ZNF791: variants seen among roughly 807,000 people sequenced by gnomAD.
ZNF791 encodes zinc finger protein 791.
A neutral mutation model predicts 11.5 loss-of-function variants in ZNF791; 4 were observed. The observed-to-expected ratio is 0.35, with a 90% CI of 0.17 to 0.80. The LOEUF is 0.80. Among genes scored for constraint, ZNF791 ranks in the 30% least tolerant of loss-of-function variants. The pLI, the probability that ZNF791 is intolerant of heterozygous loss-of-function variation, is 0.53. For missense variants in ZNF791, 559 were observed against 699.4 expected, an observed-to-expected ratio of 0.80 and a Z score of 2.26; for synonymous variants, 212 against 228.1, an observed-to-expected ratio of 0.93 and a Z score of 0.64.
chr19:12,627,653 A>G, intron 3 of ZNF791, 68 bp from the exon 4 acceptor site: 3 of 1,359,592 alleles, frequency 2.2e-6, no homozygotes, highest in African/African-American at 1.5e-5. Context: ...CTTTAGTTCT[A>G]CTACCCGATA....
chr19:12,633,547 G>A lies in ZNF791; in HGVS notation c.*4287G>A, dbSNP rs529513136. The A allele has an allele frequency of 1.3e-5, 2 of 152,180 alleles. No homozygotes were observed. Among genetic ancestry groups the A allele is most frequent in the South Asian group, 4.1e-4 (2 of 4,834 alleles). The allele number at this position is 152,180 out of a possible 1,614,324, so 9.4% of individuals were successfully genotyped here. A position where few individuals can be genotyped will look rare whatever the true frequency, so the allele number is the denominator to read the frequency against. On this transcript the variant is annotated 3_prime_UTR_variant, in exon 4 of 4. Transcript: ENST00000343325. ...CAAAAGTATCCTGAAAACACCCTGA[G>A]CTGCTTGACTTCCATTCTCAAAGAG...
rs2023523675 is a variant in ZNF791 at position 12,633,518 on chromosome 19, C to T, written c.*4258C>T. ...TCATTTTCCTGGTTATTTTCTCTGC[C>T]AATCAAAAGTATCCTGAAAACACCC... On this transcript the variant is annotated 3_prime_UTR_variant, in exon 4 of 4. Coordinates refer to ENST00000343325, the MANE Select transcript of ZNF791 (RefSeq NM_153358.3). 1 of 152,156 alleles carries T rather than the reference C, an allele frequency of 6.6e-6. No individual in the cohort carries two copies. Among genetic ancestry groups the T allele is most frequent in the Non-Finnish European group, 1.5e-5 (1 of 68,038 alleles). The allele number at this position is 152,156 out of a possible 1,614,324, so 9.4% of individuals were successfully genotyped here.
rs1469390724 is a variant in ZNF791, at chr19:12,628,220, A to G, written c.691A>G (p.Ile231Val). ...CGKAFSCSSS[I>V]RVHERTHTGE... ...GAAAGCCTTCAGTTGTTCCAGTTCTATTCGAGTACACGAAAGAACTCACAC... is the reference window on the plus strand; with the variant it reads ...GAAAGCCTTCAGTTGTTCCAGTTCTGTTCGAGTACACGAAAGAACTCACAC... The change falls in exon 4 of 4, where the codon ATT (isoleucine) becomes GTT (valine). Residue 231 changes from isoleucine (I) to valine (V), a missense_variant. Ile to Val is a conservative substitution (Grantham distance 29, BLOSUM62 3). Coordinates refer to ENST00000343325, the MANE Select transcript of ZNF791 (RefSeq NM_153358.3). 6.2e-7 allele frequency: 1 copy of G among 1,613,812 alleles called. No individual in the cohort carries two copies. Among genetic ancestry groups the G allele is most frequent in the East Asian group, 2.2e-5 (1 of 44,870 alleles).
chr19:12,618,847 GTGTATT>G (rs1381601878), intron 1 of ZNF791, among the ~76,000 whole-genome samples: 1 of 104,186 alleles, frequency 9.6e-6, no homozygotes, highest in African/African-American at 3.6e-5. Flanking sequence ...GTGTGTGTGT[GTGTATT>G]TATTTATTTT....
chr19:12,620,754 C>CTTTTT lies in ZNF791; in HGVS notation c.4-2926_4-2922dup, dbSNP rs1051381342. On this transcript the variant is annotated intron_variant, in intron 1 of 3. Transcript: ENST00000343325. ...AAACTGGAGAAAGGGGATTTATGTTCTTTTTTTTTTTTTTTTTTTTTTTTG... is the reference window on the plus strand; with the variant it reads ...AAACTGGAGAAAGGGGATTTATGTTCTTTTTTTTTTTTTTTTTTTTTTTTTTTTTG... 4.9e-3 allele frequency among the ~76,000 whole-genome samples: 408 copies of CTTTTT among 83,426 alleles called. 48 individuals carry two copies. Among genetic ancestry groups the CTTTTT allele is most frequent in the African/African-American group, 0.017 (317 of 18,652 alleles). The allele number at this position is 83,426 out of a possible 152,430, so 54.7% of individuals were successfully genotyped here.
chr19:12,615,073 G>T (rs546345581), intron 1 of ZNF791, among the ~76,000 whole-genome samples: 2 of 133,304 alleles, frequency 1.5e-5, no homozygotes, highest in South Asian at 4.8e-4. Context: ...AGGCTGGAGT[G>T]CAGTGATGTG....
intron 3 of ZNF791, among the ~76,000 whole-genome samples, chr19:12,626,635 T>C (rs1195943748): frequency 2.0e-5 from 3 of 151,836 alleles, no homozygotes; most frequent in Admixed American, 1.3e-4. Flanking sequence ...GACGAAGTCT[T>C]GCTCTGTCAC....
chr19:12,613,585 C>CA (rs956640446), intron 1 of ZNF791, among the ~76,000 whole-genome samples: 53 of 148,532 alleles, frequency 3.6e-4, no homozygotes, highest in African/African-American at 1.1e-3. Context: ...CATCTCAAAA[C>CA]AAAAAAAAAA....
intron 1 of ZNF791, among the ~76,000 whole-genome samples, chr19:12,620,348 G>T (rs2023320004): frequency 1.3e-5 from 2 of 151,492 alleles, no homozygotes; most frequent in African/African-American, 4.9e-5. Context: ...GCCAAGTTTT[G>T]TATATTTTAT....
intron 1 of ZNF791, among the ~76,000 whole-genome samples, chr19:12,619,101 C>T (rs1178939947): frequency 6.6e-6 from 1 of 152,014 alleles, no homozygotes; most frequent in Non-Finnish European, 1.5e-5. Context: ...ACCTAGGCCT[C>T]CCAAAGTGCT....
chr19:12,629,256 G>A lies in ZNF791; in HGVS notation c.1727G>A (p.Arg576Gln), dbSNP rs201930038. The A allele has an allele frequency of 1.3e-5, 19 of 1,462,820 alleles. No homozygotes were observed. In the East Asian group the frequency reaches 2.1e-4, roughly 16 times the overall value. 90.6% of individuals were successfully genotyped at this position (1,462,820 alleles called of 1,614,324 possible). ...AAAAAACATATGAGAATGCACAATCGATAGAAACTCTATAAATGTGAGAAA... is the reference window on the plus strand; with the variant it reads ...AAAAAACATATGAGAATGCACAATCAATAGAAACTCTATAAATGTGAGAAA... The part of the protein sequence containing the change: ...SLKKHMRMHN[R>Q] The change falls in exon 4 of 4, where the codon CGA becomes CAA. Residue 576 changes from arginine (R) to glutamine (Q), a missense_variant. By Grantham distance (43) the Arg-to-Gln change is conservative. Transcript: ENST00000343325.
intron 1 of ZNF791, among the ~76,000 whole-genome samples, chr19:12,617,127 CTTT>C (rs755839252): frequency 1.5e-5 from 2 of 137,048 alleles, no homozygotes; most frequent in Admixed American, 7.3e-5. Flanking sequence ...CTTTTTTCTT[CTTT>C]TTTTTTTTTT....
intron 1 of ZNF791, among the ~76,000 whole-genome samples, chr19:12,620,514 C>A (rs1193576300): frequency 6.6e-6 from 1 of 152,064 alleles, no homozygotes; most frequent in Non-Finnish European, 1.5e-5. Context: ...TGTAAATAAA[C>A]CTTACAGAGA....
intron 1 of ZNF791, 110 bp downstream of exon 1, chr19:12,611,192 A>G: frequency 1.4e-6 from 2 of 1,450,870 alleles, no homozygotes; most frequent in East Asian, 4.7e-5. Flanking sequence ...CTGGAACTCC[A>G]AGCGTCCTGT....
rs960994089 is a variant in ZNF791, at chr19:12,622,199, A to G, written c.4-1501A>G. 2.0e-3 allele frequency among the ~76,000 whole-genome samples: 279 copies of G among 137,370 alleles called. 1 individual carries two copies. The highest frequency in any genetic ancestry group is 3.6e-3 in the Non-Finnish European group (222 of 62,234). The allele number at this position is 137,370 out of a possible 152,430, so 90.1% of individuals were successfully genotyped here. A position where few individuals can be genotyped will look rare whatever the true frequency, so the allele number is the denominator to read the frequency against. On this transcript the variant is annotated intron_variant, in intron 1 of 3. Transcript: ENST00000343325. ...CACCACTCCCTAATCTCAAGTAATC[A>G]GGGACACAAACACTGCGGAAGGCCG... is the stretch of plus-strand genomic sequence containing the variant.
intron 3 of ZNF791, among the ~76,000 whole-genome samples, chr19:12,624,997 C>T (rs2023405328): frequency 6.6e-6 from 1 of 151,932 alleles, no homozygotes; most frequent in Admixed American, 6.6e-5. Flanking sequence ...TTGCAGCGAG[C>T]CGAGATCGCG....
chr19:12,628,389 T>TA lies in ZNF791; in HGVS notation c.861dup (p.Arg288ThrfsTer4). 1 of 1,608,354 alleles carries TA rather than the reference T, an allele frequency of 6.2e-7. No homozygotes were observed. The highest frequency in any genetic ancestry group is 8.5e-7 in the Non-Finnish European group (1 of 1,177,138). ...AAGGCATTCATTTTTCCCAGTTTTT[T>TA]ACGAGTACATGAAAGAATTCACACT... On this transcript the variant is annotated frameshift_variant, in exon 4 of 4. Coordinates refer to ENST00000343325, the MANE Select transcript of ZNF791 (RefSeq NM_153358.3). LOFTEE classifies it low-confidence loss of function (END_TRUNC).
At chr19:12,615,512 G>A (rs1427089577) in intron 1 of ZNF791, among the ~76,000 whole-genome samples, 1 of 152,058 alleles carries the variant, frequency 6.6e-6, no homozygotes, top group Non-Finnish European at 1.5e-5. Context: ...CGGGCACGAT[G>A]GCTCATGCCT....
At chr19:12,626,846 C>T (rs2023436826) in intron 3 of ZNF791, among the ~76,000 whole-genome samples, 1 of 152,006 alleles carries the variant, frequency 6.6e-6, no homozygotes, top group Non-Finnish European at 1.5e-5. Context: ...ACCTCATGAT[C>T]TGCCCGTCTC....
Sources: allele counts gnomAD v4.1 joint callset (sites outside exome capture counted in the v4.1 genomes callset), GRCh38; gene constraint gnomAD v4.1.1; transcripts MANE v1.5; gene names NCBI Gene and HGNC (gene_info 2026-07-23, HGNC 2026-07-21).